KCNQ5: variants seen among roughly 807,000 people sequenced by gnomAD.
The protein encoded by KCNQ5 is potassium voltage-gated channel subfamily Q member 5, also known as potassium voltage-gated channel subfamily KQT member 5.
In KCNQ5, 30 loss-of-function variants were observed where a neutral mutation model predicts 98.2. The observed-to-expected ratio is 0.31, with a 90% CI of 0.23 to 0.41. KCNQ5 has a LOEUF of 0.41. KCNQ5 is among the 10% of genes least tolerant of loss of function. The pLI is 1.00. For synonymous variants in KCNQ5, 458 were observed against 449.4 expected (o/e 1.02, Z -0.24); for missense variants, 835 against 1,182.5 (o/e 0.71, Z 4.31).
At chr6:73,037,074 C>A (rs145599650) in intron 2 of KCNQ5, among the ~76,000 whole-genome samples, 1 of 152,104 alleles carries the variant, frequency 6.6e-6, no homozygotes, top group Non-Finnish European at 1.5e-5. Flanking sequence ...GATACCATTG[C>A]GATCTAATTT....
At chr6:73,084,707 C>T (rs559631290) in intron 5 of KCNQ5, among the ~76,000 whole-genome samples, 73 of 152,198 alleles carry the variant, frequency 4.8e-4, no homozygotes, top group Non-Finnish European at 9.1e-4. Context: ...CATATGCAGC[C>T]TCTCCAGGTT....
At chr6:72,694,689 C>T (rs966394558) in intron 1 of KCNQ5, among the ~76,000 whole-genome samples, 11 of 152,140 alleles carry the variant, frequency 7.2e-5, no homozygotes, top group Admixed American at 4.6e-4. Context: ...GTTATTGTCA[C>T]GATACTGGAA....
chr6:72,932,257 TGTGTGTGC>T (rs1250482975), intron 1 of KCNQ5, among the ~76,000 whole-genome samples: 6 of 151,862 alleles, frequency 4.0e-5, no homozygotes, highest in South Asian at 2.1e-4. Context: ...TGTGTTTGTG[TGTGTGTGC>T]GTGTGTGCGT....
intron 1 of KCNQ5, among the ~76,000 whole-genome samples, chr6:72,927,951 C>T (rs1765509521): frequency 6.6e-6 from 1 of 151,920 alleles, no homozygotes; most frequent in Non-Finnish European, 1.5e-5. Flanking sequence ...ACCTTCTGCA[C>T]ATTACAGGAA....
chr6:72,726,750 G>A (rs1312549373), intron 1 of KCNQ5, among the ~76,000 whole-genome samples: 1 of 152,126 alleles, frequency 6.6e-6, no homozygotes, highest in Non-Finnish European at 1.5e-5. Flanking sequence ...TGTAGTTAAA[G>A]GAAAGAAAGA....
At chr6:73,190,541 TA>T (rs774178197) in intron 11 of KCNQ5, 31 bp from the exon 12 acceptor site, 30 of 1,187,958 alleles carry the variant, frequency 2.5e-5, no homozygotes, top group Non-Finnish European at 3.1e-5. Flanking sequence ...AACAGAGTTA[TA>T]AAGATTAATA....
chr6:72,996,361 C>G (rs145654109), intron 1 of KCNQ5, among the ~76,000 whole-genome samples: 27 of 152,266 alleles, frequency 1.8e-4, no homozygotes, highest in African/African-American at 4.8e-4. Flanking sequence ...CCAGAAGCAA[C>G]GTGTTAATAG....
intron 1 of KCNQ5, among the ~76,000 whole-genome samples, chr6:72,855,780 A>G (rs1028197254): frequency 2.6e-5 from 4 of 152,280 alleles, no homozygotes; most frequent in African/African-American, 9.6e-5. Flanking sequence ...CACCATGCAG[A>G]TTTCACCCTC....
intron 1 of KCNQ5, among the ~76,000 whole-genome samples, chr6:72,708,835 C>A (rs1227155743): frequency 1.3e-5 from 2 of 150,826 alleles, no homozygotes; most frequent in African/African-American, 4.9e-5. Flanking sequence ...TTTTTTTTTT[C>A]AGACTTTTCC....
intron 9 of KCNQ5, chr6:73,129,863 G>C (rs761456542): frequency 1.2e-6 from 2 of 1,609,114 alleles, no homozygotes; most frequent in Non-Finnish European, 1.7e-6. Flanking sequence ...CCCAGCATCC[G>C]GGCTATTGAC....
At chr6:73,099,273 A>G (rs1199390662) in intron 5 of KCNQ5, among the ~76,000 whole-genome samples, 15 of 152,178 alleles carry the variant, frequency 9.9e-5, no homozygotes, top group Admixed American at 4.6e-4. Flanking sequence ...CAACTAGAAA[A>G]CAAATAACAA....
chr6:72,622,631 T>G lies in KCNQ5; in HGVS notation c.398+44T>G. Reference sequence around the variant, plus strand: ...TGCTATGCCCGCTGCAGGGGACCACTGTCCCTGGCCCCCTGGGGCGTGCTC... The same window carrying G: ...TGCTATGCCCGCTGCAGGGGACCACGGTCCCTGGCCCCCTGGGGCGTGCTC... On this transcript the variant is annotated intron_variant, in intron 1 of 13. Coordinates refer to ENST00000370398, the MANE Select transcript of KCNQ5 (RefSeq NM_019842.4). The surrounding 1 kb of genome is among the most constrained non-coding windows in gnomAD (Gnocchi z 6.0). 1 of 1,604,272 alleles carries G rather than the reference T, an allele frequency of 6.2e-7. No individual in the cohort carries two copies. Among genetic ancestry groups the G allele is most frequent in the Non-Finnish European group, 8.5e-7 (1 of 1,175,132 alleles).
At chr6:72,818,231 T>C (rs1479930416) in intron 1 of KCNQ5, among the ~76,000 whole-genome samples, 1 of 152,170 alleles carries the variant, frequency 6.6e-6, no homozygotes, top group Non-Finnish European at 1.5e-5. Context: ...AAAAGGAAAT[T>C]TCATTGAGAA....
At chr6:73,087,317 G>A (rs954699654) in intron 5 of KCNQ5, among the ~76,000 whole-genome samples, 7 of 152,164 alleles carry the variant, frequency 4.6e-5, no homozygotes, top group African/African-American at 1.4e-4. Flanking sequence ...GGGAGTGAGG[G>A]AAATGAATAG....
Position 73,169,693 on chromosome 6 carries a change from A to G in KCNQ5, c.1469-53A>G, listed in dbSNP as rs1777932936. ...TTCCACGTGAGAAAAATTCAGCAAC[A>G]TGTTTCAAATTGCGGATGGTGGTGT... On this transcript the variant is annotated intron_variant, in intron 10 of 13. Transcript: ENST00000370398. 2.3e-6 allele frequency: 3 copies of G among 1,289,010 alleles called. 1 individual carries two copies. Among genetic ancestry groups the G allele is most frequent in the Admixed American group, 1.7e-5 (1 of 59,432 alleles). The allele number at this position is 1,289,010 out of a possible 1,614,324, so 79.8% of individuals were successfully genotyped here.
intron 2 of KCNQ5, among the ~76,000 whole-genome samples, chr6:73,017,896 G>A (rs943930134): frequency 6.6e-6 from 1 of 152,190 alleles, no homozygotes; most frequent in South Asian, 2.1e-4. Flanking sequence ...GCTCTCAGGG[G>A]AGACCAGAAG....
chr6:72,987,543 C>G, intron 1 of KCNQ5: 1 of 657,150 alleles, frequency 1.5e-6, no homozygotes, highest in Admixed American at 1.9e-5. Flanking sequence ...CCAAGCCCCG[C>G]AGCACGATTG....
chr6:72,855,260 A>G (rs1479579954), intron 1 of KCNQ5, among the ~76,000 whole-genome samples: 2 of 151,620 alleles, frequency 1.3e-5, no homozygotes, highest in Non-Finnish European at 2.9e-5. Context: ...AAACGTTTAT[A>G]TCTAAGGAAC....
chr6:72,890,369 A>G (rs1779012112), intron 1 of KCNQ5, among the ~76,000 whole-genome samples: 1 of 150,210 alleles, frequency 6.7e-6, no homozygotes. Context: ...TAGGTACTAT[A>G]TTGTACAGCA....
Sources: allele counts gnomAD v4.1 joint callset (sites outside exome capture counted in the v4.1 genomes callset), GRCh38; gene constraint gnomAD v4.1.1; non-coding constraint Gnocchi (gnomAD v3.1); transcripts MANE v1.5; gene names NCBI Gene and HGNC (gene_info 2026-07-23, HGNC 2026-07-21).